ACSL3: variants seen among roughly 807,000 people sequenced by gnomAD.
ACSL3 encodes the protein fatty acid CoA ligase Acsl3.
In ACSL3, 34 loss-of-function variants were observed where a neutral mutation model predicts 84.7. The ratio of observed to expected loss-of-function variants is 0.40; its 90% CI spans 0.31 to 0.53. ACSL3 has a LOEUF of 0.53. Among genes scored for constraint, ACSL3 ranks in the 20% least tolerant of loss-of-function variants. The probability of loss-of-function intolerance (pLI) is 0.48; values close to 1 mark genes in which losing one functional copy is unlikely to be tolerated. For missense variants in ACSL3, 680 were observed against 873.1 expected (o/e 0.78, Z 2.79); for synonymous variants, 315 against 299.4 (o/e 1.05, Z -0.54).
chr2:222,930,678 A>C lies in ACSL3; in HGVS notation c.1598A>C (p.Gln533Pro). 6.2e-7 allele frequency: 1 copy of C among 1,614,158 alleles called. No homozygotes were observed. The highest frequency in any genetic ancestry group is 1.1e-5 in the South Asian group (1 of 91,082). Residue 533 changes from glutamine (Q) to proline (P), a missense_variant, in exon 14 of 17, where the codon CAA becomes CCA. By Grantham distance (76) the Gln-to-Pro change is moderately conservative (BLOSUM62 -1). Coordinates refer to ENST00000357430, the MANE Select transcript of ACSL3 (RefSeq NM_004457.5). Reference sequence around the variant, plus strand: ...AGGGGTGAAATTCTTATTGGGGGCCAAAGTGTGACAATGGGGTACTACAAA... The same window carrying C: ...AGGGGTGAAATTCTTATTGGGGGCCCAAGTGTGACAATGGGGTACTACAAA... ...HPRGEILIGGQSVTMGYYKNE... is the reference protein window; with the variant it reads ...HPRGEILIGGPSVTMGYYKNE...
At chr2:222,936,910 C>T (rs1278913254) in intron 16 of ACSL3, among the ~76,000 whole-genome samples, 2 of 152,126 alleles carry the variant, frequency 1.3e-5, no homozygotes. Context: ...ACCATCAGAT[C>T]TTGTGAGGTC....
At chr2:222,863,951 G>A (rs1695076133) in intron 1 of ACSL3, among the ~76,000 whole-genome samples, 1 of 151,710 alleles carries the variant, frequency 6.6e-6, no homozygotes, top group Admixed American at 6.6e-5. Context: ...TTCAGTTAAT[G>A]TATACTAATA....
At chr2:222,940,429 C>T (rs1224917562) in intron 16 of ACSL3, among the ~76,000 whole-genome samples, 2 of 151,448 alleles carry the variant, frequency 1.3e-5, no homozygotes, top group East Asian at 3.9e-4. Context: ...TCCTTCTCCT[C>T]ACATCTAGGT....
At chr2:222,926,917 T>C in intron 11 of ACSL3, 100 bp from the exon 12 acceptor site, 1 of 1,300,532 alleles carries the variant, frequency 7.7e-7, no homozygotes, top group Non-Finnish European at 1.0e-6. Context: ...AGTAACTTAA[T>C]CTCAAAATCT....
At chr2:222,872,239 C>T (rs987451029) in intron 1 of ACSL3, among the ~76,000 whole-genome samples, 2 of 152,178 alleles carry the variant, frequency 1.3e-5, no homozygotes, top group African/African-American at 4.8e-5. Flanking sequence ...ATTCTCCTGC[C>T]TCAGCCTCTC....
chr2:222,914,506 C>T (rs1696526174), intron 4 of ACSL3, among the ~76,000 whole-genome samples: 1 of 152,094 alleles, frequency 6.6e-6, no homozygotes, highest in Admixed American at 6.5e-5. Flanking sequence ...AAATGAGTTG[C>T]CTGTCTCAGC....
chr2:222,887,339 G>A (rs2106099511), intron 1 of ACSL3, among the ~76,000 whole-genome samples: 1 of 152,294 alleles, frequency 6.6e-6, no homozygotes, highest in South Asian at 2.1e-4. Context: ...TGAAAGATAT[G>A]TTGATTGCTT....
At chr2:222,865,158 A>G (rs540541190) in intron 1 of ACSL3, among the ~76,000 whole-genome samples, 1 of 152,350 alleles carries the variant, frequency 6.6e-6, no homozygotes, top group South Asian at 2.1e-4. Flanking sequence ...ATTAGAAAAA[A>G]GCTTTCAGAC....
Position 222,922,212 on chromosome 2 carries a change from A to C in ACSL3, c.957-496A>C, listed in dbSNP as rs529436061. ...TATATTAAGATCTAATTTATTATGT[A>C]ATCCAATTCCCACAACAAGAGTCTT... On this transcript the variant is annotated intron_variant, in intron 8 of 16. Transcript: ENST00000357430. Among the ~76,000 whole-genome samples the C allele has an allele frequency of 1.4e-4, 21 of 152,312 alleles. No individual in the cohort carries two copies. In the South Asian group the frequency reaches 2.5e-3, roughly 18 times the overall value.
chr2:222,914,412 T>C (rs1696523954), intron 4 of ACSL3, among the ~76,000 whole-genome samples: 1 of 152,070 alleles, frequency 6.6e-6, no homozygotes, highest in African/African-American at 2.4e-5. Flanking sequence ...GACAGGCATG[T>C]ACTGCACGTC....
intron 7 of ACSL3, 170 bp from the exon 8 acceptor site, chr2:222,921,110 C>A: frequency 1.3e-6 from 1 of 752,088 alleles, no homozygotes; most frequent in South Asian, 1.5e-5. Context: ...ATCTCCCATA[C>A]GTGCAGGGAC....
intron 5 of ACSL3, chr2:222,917,445 T>C (rs1335740567): frequency 3.3e-5 from 5 of 152,248 alleles, no homozygotes; most frequent in Non-Finnish European, 7.3e-5. Context: ...GGTTTGGATT[T>C]ACATTGTTTC....
intron 1 of ACSL3, among the ~76,000 whole-genome samples, chr2:222,864,009 G>A (rs1695077365): frequency 1.3e-5 from 2 of 151,578 alleles, no homozygotes; most frequent in African/African-American, 2.4e-5. Context: ...TATCTCATCT[G>A]ATCCTTTTAA....
intron 11 of ACSL3, among the ~76,000 whole-genome samples, chr2:222,925,206 T>A (rs1389858910): frequency 6.6e-6 from 1 of 151,750 alleles, no homozygotes; most frequent in Non-Finnish European, 1.5e-5. Flanking sequence ...AGTGGTGGCA[T>A]GTGCCTGTAG....
At chr2:222,885,381 AT>A (rs1354802238) in intron 1 of ACSL3, among the ~76,000 whole-genome samples, 2 of 152,024 alleles carry the variant, frequency 1.3e-5, no homozygotes, top group African/African-American at 4.8e-5. Flanking sequence ...ACACTTGTGA[AT>A]TTTTTTCATT....
chr2:222,864,508 A>G (rs1329245793), intron 1 of ACSL3, among the ~76,000 whole-genome samples: 2 of 151,904 alleles, frequency 1.3e-5, no homozygotes, highest in Non-Finnish European at 2.9e-5. Flanking sequence ...CTGCAAGGCG[A>G]TGAGTCAGTA....
At chr2:222,867,119 C>G (rs1007993762) in intron 1 of ACSL3, among the ~76,000 whole-genome samples, 1 of 152,130 alleles carries the variant, frequency 6.6e-6, no homozygotes, top group Non-Finnish European at 1.5e-5. Context: ...AGATGTGAAC[C>G]ACCATGCCCG....
chr2:222,883,742 T>G (rs760610605), intron 1 of ACSL3, among the ~76,000 whole-genome samples: 2 of 152,220 alleles, frequency 1.3e-5, no homozygotes, highest in African/African-American at 2.4e-5. Context: ...GGAACTTGAA[T>G]CTCTTGGATT....
Position 222,918,026 on chromosome 2 carries a change from G to T in ACSL3, c.557-20G>T. 6.5e-7 allele frequency: 1 copy of T among 1,531,692 alleles called. No homozygotes were observed. Among genetic ancestry groups the T allele is most frequent in the Non-Finnish European group, 9.0e-7 (1 of 1,111,038 alleles). 94.9% of individuals were successfully genotyped at this position (1,531,692 alleles called of 1,614,324 possible). A position where few individuals can be genotyped will look rare whatever the true frequency, so the allele number is the denominator to read the frequency against. ...AGTTAAATGTTTGAATATTTGACTG[G>T]CTGCTGCTTTTCCTTTTAGTTGTTA... On this transcript the variant is annotated intron_variant, in intron 5 of 16. Transcript: ENST00000357430.
Sources: allele counts gnomAD v4.1 joint callset (sites outside exome capture counted in the v4.1 genomes callset), GRCh38; gene constraint gnomAD v4.1.1; transcripts MANE v1.5; gene names NCBI Gene and HGNC (gene_info 2026-07-23, HGNC 2026-07-21).